The following GABRB1 variants were observed in gnomAD, a reference collection of about 807,000 sequenced individuals.
GABRB1 encodes gamma-aminobutyric acid receptor subunit beta-1.
A neutral mutation model predicts 51.6 loss-of-function variants in GABRB1; 17 were observed. That is an observed-to-expected ratio of 0.33 (90% confidence interval 0.23 to 0.49). The LOEUF (loss-of-function observed/expected upper bound fraction) is 0.49. GABRB1 is among the 20% of genes least tolerant of loss of function. GABRB1 has a pLI of 0.99. For synonymous variants in GABRB1, 247 were observed against 218.9 expected (o/e 1.13, Z -1.14); for missense variants, 410 against 600.6 (o/e 0.68, Z 3.32).
At chr4:47,189,590 G>T (rs1419713339) in intron 4 of GABRB1, among the ~76,000 whole-genome samples, 1 of 151,664 alleles carries the variant, frequency 6.6e-6, no homozygotes, top group Non-Finnish European at 1.5e-5. Context: ...TATCCTTATT[G>T]AGGGCAGGAT....
intron 4 of GABRB1, among the ~76,000 whole-genome samples, chr4:47,209,203 T>C (rs1197060209): frequency 6.6e-6 from 1 of 152,136 alleles, no homozygotes; most frequent in Non-Finnish European, 1.5e-5. Flanking sequence ...GCCTTTCCCT[T>C]TAGCTACTCA....
chr4:47,032,581 C>A (rs555850778), intron 3 of GABRB1, 97 bp downstream of exon 3: 3 of 1,200,042 alleles, frequency 2.5e-6, no homozygotes, highest in East Asian at 2.3e-5. Context: ...GTCACCTCGC[C>A]CCTGGCCCCT....
In GABRB1 at chr4:47,019,549, T is replaced by TTCTCTCTCTC. The variant is rs142639522; in HGVS notation, c.-19-12346_-19-12337dup. 6.6e-3 allele frequency among the ~76,000 whole-genome samples: 850 copies of TTCTCTCTCTC among 128,882 alleles called. 27 individuals carry two copies. The highest frequency in any genetic ancestry group is 0.015 in the African/African-American group (498 of 33,110). The allele number at this position is 128,882 out of a possible 152,430, so 84.6% of individuals were successfully genotyped here. ...AGATAAAGGTGTCAGCAGGTTTAGTTTCTCTCTCTCTCTCTCTCTCTCTCT... is the reference window on the plus strand; with the variant it reads ...AGATAAAGGTGTCAGCAGGTTTAGTTTCTCTCTCTCTCTCTCTCTCTCTCTCTCTCTCTCT... On this transcript the variant is annotated intron_variant, in intron 1 of 3. Transcript: ENST00000513567.
chr4:47,025,961 T>C (rs1315927323), intron 1 of GABRB1, among the ~76,000 whole-genome samples: 1 of 152,026 alleles, frequency 6.6e-6, no homozygotes, highest in Non-Finnish European at 1.5e-5. Flanking sequence ...TCCCAAATTC[T>C]CAACTTGGTG....
chr4:47,300,890 A>G (rs951246200), intron 4 of GABRB1, among the ~76,000 whole-genome samples: 5 of 152,202 alleles, frequency 3.3e-5, no homozygotes, highest in African/African-American at 1.2e-4. Context: ...ATATGTATAT[A>G]TGTATATGTA....
intron 3 of GABRB1, among the ~76,000 whole-genome samples, chr4:47,149,190 C>T (rs900400442): frequency 3.3e-5 from 5 of 151,924 alleles, no homozygotes; most frequent in African/African-American, 9.7e-5. Flanking sequence ...GCTGATCATA[C>T]AGTTAAATGT....
chr4:47,064,989 C>G (rs1429424918), intron 3 of GABRB1, among the ~76,000 whole-genome samples: 1 of 152,148 alleles, frequency 6.6e-6, no homozygotes, highest in Non-Finnish European at 1.5e-5. Context: ...TCTCTAGAAG[C>G]CTGCTTCCTC....
At chr4:47,137,190 C>T (rs1163440414) in intron 3 of GABRB1, among the ~76,000 whole-genome samples, 4 of 152,144 alleles carry the variant, frequency 2.6e-5, no homozygotes, top group Admixed American at 2.0e-4. Context: ...GGATAGGTAT[C>T]AGGAAATGCA....
upstream of GABRB1, among the ~76,000 whole-genome samples, chr4:47,027,340 A>G (rs553148221): frequency 5.1e-4 from 77 of 151,828 alleles, no homozygotes; most frequent in African/African-American, 1.8e-3. Flanking sequence ...ATTTTTAAAT[A>G]TAATATGAAA....
intron 5 of GABRB1, among the ~76,000 whole-genome samples, chr4:47,394,676 T>C (rs1203270186): frequency 6.6e-6 from 1 of 152,132 alleles, no homozygotes; most frequent in Non-Finnish European, 1.5e-5. Flanking sequence ...TATGAAAAAG[T>C]TCGCCTTTCA....
intron 3 of GABRB1, among the ~76,000 whole-genome samples, chr4:47,119,556 T>G (rs1430730238): frequency 6.6e-6 from 1 of 151,418 alleles, no homozygotes; most frequent in Non-Finnish European, 1.5e-5. Flanking sequence ...TTGCCCAGGC[T>G]GGAGTGCAAT....
At chr4:47,056,869 A>T (rs1726630036) in intron 3 of GABRB1, among the ~76,000 whole-genome samples, 1 of 152,186 alleles carries the variant, frequency 6.6e-6, no homozygotes, top group Admixed American at 6.5e-5. Flanking sequence ...GCACTTTGGG[A>T]GGCCAAGGCA....
chr4:47,186,398 T>A (rs1015201838), intron 4 of GABRB1, among the ~76,000 whole-genome samples: 14 of 151,944 alleles, frequency 9.2e-5, no homozygotes, highest in African/African-American at 3.4e-4. Flanking sequence ...TTAGTTTGGC[T>A]AAAATTAGGA....
chr4:47,100,732 A>C (rs1473017583), intron 3 of GABRB1, among the ~76,000 whole-genome samples: 1 of 152,020 alleles, frequency 6.6e-6, no homozygotes, highest in Non-Finnish European at 1.5e-5. Context: ...AAAAGCAAAA[A>C]GTAGAAAGCC....
At chr4:47,269,021 T>C (rs2109890096) in intron 4 of GABRB1, among the ~76,000 whole-genome samples, 1 of 152,350 alleles carries the variant, frequency 6.6e-6, no homozygotes, top group East Asian at 1.9e-4. Flanking sequence ...TTTAGTTTAA[T>C]GTTGGAGTTG....
chr4:47,351,827 G>T (rs1726355265), intron 5 of GABRB1, among the ~76,000 whole-genome samples: 1 of 151,860 alleles, frequency 6.6e-6, no homozygotes, highest in Non-Finnish European at 1.5e-5. Context: ...CATTTGGGTT[G>T]GTTCCAAGTC....
chr4:47,394,294 G>A (rs1728106650), intron 5 of GABRB1, among the ~76,000 whole-genome samples: 1 of 152,154 alleles, frequency 6.6e-6, no homozygotes, highest in African/African-American at 2.4e-5. Context: ...CAAGAGCAAA[G>A]GTTCCTATTC....
At chr4:47,147,591 G>A (rs554618185) in intron 3 of GABRB1, among the ~76,000 whole-genome samples, 1 of 152,252 alleles carries the variant, frequency 6.6e-6, no homozygotes, top group African/African-American at 2.4e-5. Flanking sequence ...ACAGAGCAAT[G>A]CAGGCCATGA....
chr4:47,302,386 C>A (rs1177344820), intron 4 of GABRB1, among the ~76,000 whole-genome samples: 1 of 151,836 alleles, frequency 6.6e-6, no homozygotes, highest in Non-Finnish European at 1.5e-5. Flanking sequence ...GAAAAACCTT[C>A]TATTTTCATA....
Sources: gnomAD v4.1 joint callset for allele counts (sites outside exome capture counted in the v4.1 genomes callset) on GRCh38, gnomAD v4.1.1 for gene constraint, MANE v1.5 for transcripts, NCBI Gene and HGNC (gene_info 2026-07-23, HGNC 2026-07-21) for gene names.